Variants in RNGTT observed in about 807,000 individuals in gnomAD.
RNGTT encodes RNA guanylyltransferase and 5'-phosphatase, also known as mRNA-capping enzyme.
Under a neutral mutation model 79.3 loss-of-function variants are expected in RNGTT, and 33 were observed. The ratio of observed to expected loss-of-function variants is 0.42; its 90% confidence interval spans 0.32 to 0.56. The LOEUF (loss-of-function observed/expected upper bound fraction) is 0.56. RNGTT is among the 20% of genes least tolerant of loss of function. RNGTT has a pLI of 0.17. For synonymous variants in RNGTT, 222 were observed against 235.9 expected, an observed-to-expected ratio of 0.94 and a Z score of 0.54; for missense variants, 497 against 739.1, an observed-to-expected ratio of 0.67 and a Z score of 3.80.
intron 12 of RNGTT, among the ~76,000 whole-genome samples, chr6:88,771,305 GTGTGTGTGTGTATATATATATATA>G (rs1227877117): frequency 1.7e-5 from 1 of 58,028 alleles, no homozygotes; most frequent in African/African-American, 7.6e-5. Flanking sequence ...ATGTATGTAT[GTGTGTGTGTGTATATATATATATA>G]TATATATATA....
chr6:88,649,171 A>G (rs1049363914), intron 14 of RNGTT, among the ~76,000 whole-genome samples: 4 of 152,182 alleles, frequency 2.6e-5, no homozygotes, highest in Admixed American at 1.3e-4. Flanking sequence ...TAATGTTTGT[A>G]TGTTTGTTTT....
chr6:88,779,097 A>T (rs1445640402), intron 12 of RNGTT, among the ~76,000 whole-genome samples: 7 of 113,548 alleles, frequency 6.2e-5, no homozygotes, highest in Non-Finnish European at 1.2e-4. Context: ...TTTGACAGAA[A>T]AGTCACAGGC....
intron 8 of RNGTT, among the ~76,000 whole-genome samples, chr6:88,882,141 C>A (rs1409763664): frequency 6.6e-6 from 1 of 152,154 alleles, no homozygotes; most frequent in Non-Finnish European, 1.5e-5. Context: ...AACCCAAGGT[C>A]CAACTACCTA....
At chr6:88,810,118 G>A (rs1025082583) in intron 11 of RNGTT, among the ~76,000 whole-genome samples, 1 of 151,988 alleles carries the variant, frequency 6.6e-6, no homozygotes, top group Admixed American at 6.5e-5. Flanking sequence ...ACAAATCAAC[G>A]ACCTCAACTT....
rs1771971769 is a variant in RNGTT at position 88,610,198 on chromosome 6, G to A, written c.*2521C>T. The A allele has an allele frequency of 1.3e-5, 2 of 152,614 alleles. No individual in the cohort carries two copies. Among genetic ancestry groups the A allele is most frequent in the African/African-American group, 4.8e-5 (2 of 41,454 alleles). The allele number at this position is 152,614 out of a possible 1,614,324, so 9.5% of individuals were successfully genotyped here. A position where few individuals can be genotyped will look rare whatever the true frequency, so the allele number is the denominator to read the frequency against. ...TGGATTACACTGGGTGTGGCTGACA[G>A]CAGTAGGATGTGATGCCAGCAATAG... On this transcript the variant is annotated 3_prime_UTR_variant, in exon 16 of 16. Transcript: ENST00000369485.
At chr6:88,776,929 AC>A (rs371419214) in intron 12 of RNGTT, among the ~76,000 whole-genome samples, 2 of 152,200 alleles carry the variant, frequency 1.3e-5, no homozygotes, top group African/African-American at 4.8e-5. Flanking sequence ...CATTGCCAAG[AC>A]CAACATCAAG....
chr6:88,618,941 A>C (rs941764330), intron 14 of RNGTT, among the ~76,000 whole-genome samples: 2 of 152,212 alleles, frequency 1.3e-5, no homozygotes, highest in Non-Finnish European at 2.9e-5. Context: ...GAGTTCTTCC[A>C]TAAGAAAGAT....
At chr6:88,952,591 C>G (rs1785287046) in intron 1 of RNGTT, among the ~76,000 whole-genome samples, 1 of 152,256 alleles carries the variant, frequency 6.6e-6, no homozygotes, top group African/African-American at 2.4e-5. Context: ...CTGCCTGCAA[C>G]ATCCTGGCTA....
At chr6:88,685,644 T>G (rs1235486499) in intron 13 of RNGTT, among the ~76,000 whole-genome samples, 2 of 151,952 alleles carry the variant, frequency 1.3e-5, no homozygotes, top group East Asian at 3.9e-4. Context: ...AAAAATCATT[T>G]AATATTAAAT....
At chr6:88,716,609 C>G (rs1349879852) in intron 13 of RNGTT, among the ~76,000 whole-genome samples, 2 of 152,156 alleles carry the variant, frequency 1.3e-5, no homozygotes, top group African/African-American at 4.8e-5. Flanking sequence ...AAATGTGGCA[C>G]ATATACACCA....
rs115313700 is a variant in RNGTT, at chr6:88,615,396, T to C, written c.1507-1001A>G. ...AGGCAGCACATGTCTTCATAAAAAC[T>C]TTCAAACTATATTCCTTTCCCTTTA... On this transcript the variant is annotated intron_variant, in intron 14 of 15. Coordinates refer to ENST00000369485, the MANE Select transcript of RNGTT (RefSeq NM_003800.5). 9.8e-4 allele frequency among the ~76,000 whole-genome samples: 150 copies of C among 152,318 alleles called. 2 individuals are homozygous for C. The highest frequency in any genetic ancestry group is 3.2e-3 in the African/African-American group (132 of 41,590).
chr6:88,678,281 A>G, intron 14 of RNGTT, 72 bp downstream of exon 14: 1 of 1,556,994 alleles, frequency 6.4e-7, no homozygotes, highest in Admixed American at 1.8e-5. Context: ...GTTGATTATT[A>G]TTAGCAAGGT....
At chr6:88,865,416 G>A (rs749476974) in intron 8 of RNGTT, among the ~76,000 whole-genome samples, 34 of 152,090 alleles carry the variant, frequency 2.2e-4, no homozygotes, top group Admixed American at 5.2e-4. Context: ...GAAACAGGAA[G>A]CCATCCCTTT....
At chr6:88,730,159 C>A (rs1395096643) in intron 13 of RNGTT, among the ~76,000 whole-genome samples, 1 of 152,178 alleles carries the variant, frequency 6.6e-6, no homozygotes, top group African/African-American at 2.4e-5. Context: ...TTCCAAATTT[C>A]TTTTCAAATA....
At chr6:88,674,162 G>C (rs1774767167) in intron 14 of RNGTT, among the ~76,000 whole-genome samples, 1 of 152,216 alleles carries the variant, frequency 6.6e-6, no homozygotes. Context: ...ATGAACTTTA[G>C]AGAACGTTTA....
At chr6:88,889,100 A>G (rs1317684115) in intron 8 of RNGTT, among the ~76,000 whole-genome samples, 2 of 152,220 alleles carry the variant, frequency 1.3e-5, no homozygotes, top group Admixed American at 1.3e-4. Context: ...CCATAAGGAC[A>G]GTAGTGATAA....
chr6:88,619,677 T>A (rs141246078), intron 14 of RNGTT, among the ~76,000 whole-genome samples: 128 of 152,326 alleles, frequency 8.4e-4, no homozygotes, highest in African/African-American at 2.9e-3. Context: ...AAATTGACCA[T>A]TTTTTTCTTT....
chr6:88,792,783 G>A (rs576453917), intron 12 of RNGTT, among the ~76,000 whole-genome samples: 4 of 152,078 alleles, frequency 2.6e-5, no homozygotes, highest in South Asian at 4.1e-4. Context: ...CAGGAGAATC[G>A]GAGGTTGAAA....
chr6:88,900,870 G>A (rs957074633), intron 6 of RNGTT, among the ~76,000 whole-genome samples: 4 of 151,472 alleles, frequency 2.6e-5, no homozygotes, highest in South Asian at 4.2e-4. Flanking sequence ...GGCCAGGCAC[G>A]ATGGCTCACG....
Sources: gnomAD v4.1 joint callset for allele counts (sites outside exome capture counted in the v4.1 genomes callset) on GRCh38, gnomAD v4.1.1 for gene constraint, MANE v1.5 for transcripts, NCBI Gene and HGNC (gene_info 2026-07-23, HGNC 2026-07-21) for gene names.